The following AP3B2 variants were observed in gnomAD, a reference collection of about 807,000 sequenced individuals.
AP3B2 encodes the protein adaptor related protein complex 3 subunit beta 2, also known as AP-3 complex subunit beta-2.
Under a neutral mutation model 126.9 loss-of-function variants are expected in AP3B2, and 50 were observed. That is an observed-to-expected ratio of 0.39 (90% CI 0.31 to 0.50). AP3B2 has a LOEUF of 0.50. Among genes scored for constraint, AP3B2 ranks in the 20% least tolerant of loss-of-function variants. The pLI is 0.79. For missense variants in AP3B2, 1,177 were observed against 1,426.4 expected (o/e 0.83, Z 2.82); for synonymous variants, 541 against 565.0 (o/e 0.96, Z 0.60).
At chr15:82,695,095 CTTTTTTTTT>C (rs747831776) in intron 1 of AP3B2, among the ~76,000 whole-genome samples, 1 of 134,818 alleles carries the variant, frequency 7.4e-6, no homozygotes, top group African/African-American at 2.8e-5. Flanking sequence ...TTCTTTCTTT[CTTTTTTTTT>C]TTTTTTTTTT....
intron 14 of AP3B2, among the ~76,000 whole-genome samples, chr15:82,670,265 A>T (rs942303900): frequency 2.0e-5 from 3 of 151,638 alleles, no homozygotes; most frequent in African/African-American, 7.3e-5. Context: ...ACCCGCCACC[A>T]CGCTCAGCTA....
At chr15:82,670,725 G>A (rs1314548361) in intron 14 of AP3B2, among the ~76,000 whole-genome samples, 1 of 152,068 alleles carries the variant, frequency 6.6e-6, no homozygotes, top group African/African-American at 2.4e-5. Context: ...AAGTTACAAA[G>A]GTTCTGCACA....
At chr15:82,678,054 G>A (rs2048273632) in intron 11 of AP3B2, 51 bp downstream of exon 11, 1 of 1,588,776 alleles carries the variant, frequency 6.3e-7, no homozygotes, top group Admixed American at 1.7e-5. Flanking sequence ...AGGGCACAAG[G>A]ATCTGATGGG....
rs918398297 is a variant in AP3B2 at position 82,665,414 on chromosome 15, C to T, written c.1971+43G>A. 1 of 1,156,672 alleles carries T rather than the reference C, an allele frequency of 8.6e-7. No homozygotes were observed. The allele number at this position is 1,156,672 out of a possible 1,614,324, so 71.7% of individuals were successfully genotyped here. ...ACACACACACACACACACACACACA[C>T]ACACACACACACACACACACTTCAA... On this transcript the variant is annotated intron_variant, in intron 16 of 26. Coordinates refer to ENST00000535359, the MANE Select transcript of AP3B2 (RefSeq NM_001278512.2). This position sits in a 1 kb window ranked among gnomAD's most constrained non-coding sequence, Gnocchi z 4.4.
chr15:82,661,086 TCC>T (rs2047937302), intron 25 of AP3B2, among the ~76,000 whole-genome samples: 1 of 152,244 alleles, frequency 6.6e-6, no homozygotes, highest in Middle Eastern at 3.4e-3. Flanking sequence ...CTCCCTGTGC[TCC>T]TTCTCTTATC....
chr15:82,674,357 G>A (rs1313179115), intron 14 of AP3B2, among the ~76,000 whole-genome samples: 3 of 152,176 alleles, frequency 2.0e-5, no homozygotes, highest in Non-Finnish European at 2.9e-5. Flanking sequence ...AAGAAAGGGA[G>A]GACAAAAATC....
chr15:82,707,881 C>G (rs532060127), intron 1 of AP3B2, among the ~76,000 whole-genome samples: 4 of 152,206 alleles, frequency 2.6e-5, no homozygotes, highest in South Asian at 2.1e-4. Flanking sequence ...TAGGTTCCCA[C>G]GCCACCCCAA....
chr15:82,664,546 G>C lies in AP3B2; in HGVS notation c.2138-56C>G. ...TCATATGCAGGCCTCCTTGGGTCTG[G>C]AGCAGACACCTGGGTTCCACCTTCA... On this transcript the variant is annotated intron_variant, in intron 18 of 26. Coordinates refer to ENST00000535359, the MANE Select transcript of AP3B2 (RefSeq NM_001278512.2). This position sits in a 1 kb window ranked among gnomAD's most constrained non-coding sequence, Gnocchi z 4.5. The C allele has an allele frequency of 6.4e-7, 1 of 1,567,480 alleles. No homozygotes were observed. Among genetic ancestry groups the C allele is most frequent in the Non-Finnish European group, 8.6e-7 (1 of 1,157,436 alleles).
Position 82,676,653 on chromosome 15 carries a change from A to G in AP3B2, c.1489-16T>C. The G allele has an allele frequency of 6.2e-7, 1 of 1,612,866 alleles. No individual in the cohort carries two copies. The highest frequency in any genetic ancestry group is 1.1e-5 in the South Asian group (1 of 90,894). ...CCATGGGCACCTGTGGTTGTGGGAG[A>G]GGAGTGAAGATGGGTAAATACGGGA... On this transcript the variant is annotated splice_polypyrimidine_tract_variant and intron_variant, in intron 13 of 26. Coordinates refer to ENST00000535359, the MANE Select transcript of AP3B2 (RefSeq NM_001278512.2).
At chr15:82,675,970 G>GT (rs1178948888) in intron 14 of AP3B2, among the ~76,000 whole-genome samples, 1 of 152,152 alleles carries the variant, frequency 6.6e-6, no homozygotes, top group African/African-American at 2.4e-5. Flanking sequence ...CCTTGGCTGT[G>GT]TATCTCTTAT....
chr15:82,703,782 G>A (rs550532678), intron 1 of AP3B2, among the ~76,000 whole-genome samples: 95 of 151,650 alleles, frequency 6.3e-4, no homozygotes, highest in African/African-American at 2.2e-3. Context: ...TTTCCCTCCC[G>A]CCTGTCCCCT....
intron 13 of AP3B2, 38 bp from the exon 14 acceptor site, chr15:82,676,675 G>C (rs765609414): frequency 6.2e-7 from 1 of 1,604,832 alleles, no homozygotes; most frequent in East Asian, 2.2e-5. Context: ...GGGTAAATAC[G>C]GGAAAGTGGG....
chr15:82,668,116 A>C (rs1310122355), intron 14 of AP3B2, among the ~76,000 whole-genome samples: 1 of 152,224 alleles, frequency 6.6e-6, no homozygotes, highest in Non-Finnish European at 1.5e-5. Context: ...TAAGGGGCAA[A>C]GCCCCTCAGA....
At position 82,680,927 on chromosome 15, in the gene AP3B2, C is replaced by T; in HGVS notation, c.681G>A (p.Leu227=). The T allele has an allele frequency of 6.2e-7, 1 of 1,613,972 alleles. No individual in the cohort carries two copies. Among genetic ancestry groups the T allele is most frequent in the Non-Finnish European group, 8.5e-7 (1 of 1,179,876 alleles). The stretch of plus-strand genomic sequence containing the variant: ...GGCCCCACTCCTCCACGTCGATCAG[C>T]AGGTTACAGAGTTTCCGGTAGTTTT... The part of the protein sequence containing the change: ...IHKNYRKLCN[L]LIDVEEWGQV... The change falls in exon 7 of 27, where the codon CTG becomes CTA. Residue 227 remains leucine, a synonymous_variant. Transcript: ENST00000535359. This position sits in a 1 kb window ranked among gnomAD's most constrained non-coding sequence, Gnocchi z 6.1.
At chr15:82,693,594 C>T (rs2048583577) in intron 1 of AP3B2, among the ~76,000 whole-genome samples, 1 of 151,954 alleles carries the variant, frequency 6.6e-6, no homozygotes, top group African/African-American at 2.4e-5. Flanking sequence ...CAAAATAAAT[C>T]CCGCATTTGC....
At chr15:82,662,613 A>G (rs1041708267) in intron 23 of AP3B2, 81 bp downstream of exon 23, 10 of 1,362,220 alleles carry the variant, frequency 7.3e-6, no homozygotes, top group Non-Finnish European at 1.0e-5. Flanking sequence ...CTGGCCTGGC[A>G]CAAGGAGGGT....
chr15:82,702,208 G>T (rs969825215), intron 1 of AP3B2, among the ~76,000 whole-genome samples: 4 of 152,116 alleles, frequency 2.6e-5, no homozygotes, highest in Non-Finnish European at 5.9e-5. Context: ...GTAATATCCA[G>T]CTACCTAATA....
chr15:82,680,687 C>CG lies in AP3B2; in HGVS notation c.839dup (p.Ser282ValfsTer2). 1 of 1,574,012 alleles carries CG rather than the reference C, an allele frequency of 6.4e-7. No homozygotes were observed. Among genetic ancestry groups the CG allele is most frequent in the East Asian group, 2.2e-5 (1 of 44,474 alleles). On this transcript the variant is annotated frameshift_variant, in exon 8 of 27. Coordinates refer to ENST00000535359, the MANE Select transcript of AP3B2 (RefSeq NM_001278512.2). LOFTEE classifies it high-confidence loss of function. The surrounding 1 kb of genome is among the most constrained non-coding windows in gnomAD (Gnocchi z 6.1). ...CCGCGGCGGCCGTCTCCTCAGACCC[C>CG]GCGCCCTTGGCCTCGTCCTCCTCTG...
intron 14 of AP3B2, among the ~76,000 whole-genome samples, chr15:82,668,582 G>T (rs754445659): frequency 2.0e-5 from 3 of 152,168 alleles, no homozygotes; most frequent in South Asian, 2.1e-4. Context: ...GGATCCATCT[G>T]TCCACAGCCT....
Sources: allele counts gnomAD v4.1 joint callset (sites outside exome capture counted in the v4.1 genomes callset), GRCh38; gene constraint gnomAD v4.1.1; non-coding constraint Gnocchi (gnomAD v3.1); transcripts MANE v1.5; gene names NCBI Gene and HGNC (gene_info 2026-07-23, HGNC 2026-07-21).